The following ACACA variants were observed in gnomAD, a reference collection of about 807,000 sequenced individuals.
The protein encoded by ACACA is acetyl-CoA carboxylase 1.
In ACACA, 103 loss-of-function variants were observed where a neutral mutation model predicts 296.1. That is an observed-to-expected ratio of 0.35 (90% CI 0.30 to 0.41). The LOEUF is 0.41. Among genes scored for constraint, ACACA ranks in the 10% least tolerant of loss-of-function variants. ACACA has a pLI of 1.00. For missense variants in ACACA, 1,554 were observed against 2,989.7 expected (o/e 0.52, Z 11.20); for synonymous variants, 953 against 1,038.6 (o/e 0.92, Z 1.58).
chr17:37,137,494 T>C lies in ACACA; in HGVS notation c.5680-7276A>G, dbSNP rs946746787. On this transcript the variant is annotated intron_variant, in intron 45 of 55. Coordinates refer to ENST00000616317, the MANE Select transcript of ACACA (RefSeq NM_198834.3). ...CATGAAAGCAGGAATCATCTTTGTATTGCCACAGCATAAGAACAGCTTTAT... is the reference window on the plus strand; with the variant it reads ...CATGAAAGCAGGAATCATCTTTGTACTGCCACAGCATAAGAACAGCTTTAT... Among the ~76,000 whole-genome samples the C allele has an allele frequency of 4.6e-5, 7 of 152,324 alleles. No homozygotes were observed. In the South Asian group the frequency reaches 1.0e-3, roughly 23 times the overall value.
At chr17:37,348,842 AGGAG>A (rs2048750286) in intron 1 of ACACA, among the ~76,000 whole-genome samples, 1 of 150,954 alleles carries the variant, frequency 6.6e-6, no homozygotes, top group Non-Finnish European at 1.5e-5. Flanking sequence ...CCAGATACTC[AGGAG>A]GCTGAGGCAG....
chr17:37,325,552 T>C (rs2047569491), intron 3 of ACACA, among the ~76,000 whole-genome samples: 3 of 151,244 alleles, frequency 2.0e-5, no homozygotes, highest in Non-Finnish European at 4.4e-5. Context: ...AACTACTTTT[T>C]ACTTAGGGTC....
chr17:37,401,155 CA>C (rs2051272063), intron 1 of ACACA, among the ~76,000 whole-genome samples: 1 of 151,280 alleles, frequency 6.6e-6, no homozygotes. Context: ...ATTTTTTTCA[CA>C]TACCAGTTAG....
intron 39 of ACACA, among the ~76,000 whole-genome samples, chr17:37,185,591 C>T (rs570905550): frequency 6.0e-5 from 9 of 149,770 alleles, no homozygotes; most frequent in African/African-American, 1.5e-4. Flanking sequence ...TTTTTTGAGA[C>T]GGATTCTTGC....
intron 10 of ACACA, among the ~76,000 whole-genome samples, chr17:37,264,296 T>C (rs531260653): frequency 7.1e-4 from 108 of 152,340 alleles, no homozygotes; most frequent in African/African-American, 2.5e-3. Flanking sequence ...TATGGTATTG[T>C]TGCAGCCAAA....
chr17:37,375,123 G>C (rs918105141), intron 1 of ACACA, among the ~76,000 whole-genome samples: 1 of 151,884 alleles, frequency 6.6e-6, no homozygotes, highest in African/African-American at 2.4e-5. Flanking sequence ...GAACCCAGGA[G>C]ATGAAGGTTG....
At chr17:37,405,852 G>A (rs1268960598) in intron 1 of ACACA, among the ~76,000 whole-genome samples, 1 of 143,424 alleles carries the variant, frequency 7.0e-6, no homozygotes, top group Non-Finnish European at 1.5e-5. Context: ...GCGCCCGGCA[G>A]GGCTTTTTTT....
At chr17:37,093,461 G>T (rs1004887953) in intron 54 of ACACA, among the ~76,000 whole-genome samples, 1 of 152,056 alleles carries the variant, frequency 6.6e-6, no homozygotes, top group Non-Finnish European at 1.5e-5. Flanking sequence ...GGGGAAACTA[G>T]CATATTTTGA....
chr17:37,248,988 C>G (rs537936105), intron 16 of ACACA, among the ~76,000 whole-genome samples: 1 of 152,182 alleles, frequency 6.6e-6, no homozygotes, highest in Non-Finnish European at 1.5e-5. Context: ...AAAAGTGAAA[C>G]TCTACACCCA....
intron 5 of ACACA, among the ~76,000 whole-genome samples, chr17:37,281,821 G>C (rs2082550193): frequency 6.6e-6 from 1 of 152,260 alleles, no homozygotes. Flanking sequence ...AGCTGAGTTT[G>C]CACCACTGCA....
intron 54 of ACACA, among the ~76,000 whole-genome samples, chr17:37,094,880 GC>G (rs1333811142): frequency 6.6e-6 from 1 of 152,262 alleles, no homozygotes; most frequent in Admixed American, 6.5e-5. Flanking sequence ...CAGCATGGCT[GC>G]CCCCAGTGCC....
rs546639219 is a variant in ACACA, at chr17:37,085,431, G to A, written c.*1885C>T. 5.1e-6 allele frequency: 2 copies of A among 395,728 alleles called. No individual in the cohort carries two copies. Among genetic ancestry groups the A allele is most frequent in the East Asian group, 7.2e-5 (2 of 27,934 alleles). 24.5% of individuals were successfully genotyped at this position (395,728 alleles called of 1,614,324 possible). On this transcript the variant is annotated 3_prime_UTR_variant, in exon 56 of 56. Transcript: ENST00000616317. ...GACATGCCTGGACAGGCCTCCTGGG[G>A]GGTGCAGGACTTCATACCACTTGTA...
At chr17:37,127,036 A>G (rs977072963) in intron 47 of ACACA, among the ~76,000 whole-genome samples, 4 of 152,254 alleles carry the variant, frequency 2.6e-5, no homozygotes, top group African/African-American at 9.6e-5. Context: ...TTAGCTGCAC[A>G]TAGACAGCAG....
Position 37,230,080 on chromosome 17 carries a change from A to AT in ACACA, c.3247-3629dup, listed in dbSNP as rs2079780796. ...CCGTCTCAAAATAAAATAAAATAAA[A>AT]TAAAATTAAAATAAATAAATAAGGC... On this transcript the variant is annotated intron_variant, in intron 25 of 55. Transcript: ENST00000616317. 2.7e-5 allele frequency among the ~76,000 whole-genome samples: 4 copies of AT among 149,346 alleles called. No individual in the cohort carries two copies. The South Asian group carries it at 6.4e-4, about 24-fold the overall frequency.
intron 3 of ACACA, among the ~76,000 whole-genome samples, chr17:37,291,053 G>C (rs1290954618): frequency 7.2e-6 from 1 of 138,714 alleles, no homozygotes; most frequent in Non-Finnish European, 1.5e-5. Flanking sequence ...CTACACTCCA[G>C]CCTGGCAACA....
At chr17:37,152,345 T>C (rs1199934649) in intron 43 of ACACA, among the ~76,000 whole-genome samples, 1 of 152,204 alleles carries the variant, frequency 6.6e-6, no homozygotes, top group African/African-American at 2.4e-5. Context: ...AAAGGCATCA[T>C]ATCAACAATT....
At chr17:37,218,147 CAAAAA>C (rs60487601) in intron 29 of ACACA, among the ~76,000 whole-genome samples, 5 of 116,628 alleles carry the variant, frequency 4.3e-5, no homozygotes, top group African/African-American at 1.4e-4. Flanking sequence ...CTACCAGTAA[CAAAAA>C]AAAAAAAAAA....
At chr17:37,302,567 A>G (rs2083677816) in intron 3 of ACACA, among the ~76,000 whole-genome samples, 1 of 149,982 alleles carries the variant, frequency 6.7e-6, no homozygotes, top group African/African-American at 2.5e-5. Flanking sequence ...GTTTGGGATT[A>G]CAGGCGTGAG....
In ACACA at chr17:37,206,617, A is replaced by G. The variant is rs2078512804; in HGVS notation, c.3948+166T>C. Reference sequence around the variant, plus strand: ...TTTTTTAAGTTAGGATTTATATTCCACTTGTTTCCAGAAAATACTTTGGTG... The same window carrying G: ...TTTTTTAAGTTAGGATTTATATTCCGCTTGTTTCCAGAAAATACTTTGGTG... On this transcript the variant is annotated intron_variant, in intron 32 of 55. Coordinates refer to ENST00000616317, the MANE Select transcript of ACACA (RefSeq NM_198834.3). Among the ~76,000 whole-genome samples, 3 of 152,182 alleles carry G rather than the reference A, an allele frequency of 2.0e-5. No homozygotes were observed. In the South Asian group the frequency reaches 6.2e-4, roughly 31 times the overall value.
Sources: allele counts gnomAD v4.1 joint callset (sites outside exome capture counted in the v4.1 genomes callset), GRCh38; gene constraint gnomAD v4.1.1; transcripts MANE v1.5; gene names NCBI Gene and HGNC (gene_info 2026-07-23, HGNC 2026-07-21).